The following NKD2 variants were observed in gnomAD, a reference collection of about 807,000 sequenced individuals.
The protein encoded by NKD2 is NKD inhibitor of Wnt signaling pathway 2.
In NKD2, 43 loss-of-function variants were observed where a neutral mutation model predicts 34.8. That is an observed-to-expected ratio of 1.24 (90% CI 0.97 to 1.60). The LOEUF (loss-of-function observed/expected upper bound fraction) is 1.60. Ranked by LOEUF, NKD2 falls within the 40% of genes most tolerant of loss-of-function variation. NKD2 has a pLI of 0.00. For missense variants in NKD2, 675 were observed against 627.1 expected, an observed-to-expected ratio of 1.08 and a Z score of -0.82; for synonymous variants, 278 against 265.1, an observed-to-expected ratio of 1.05 and a Z score of -0.47.
At chr5:1,030,021 G>GC (rs199825697) in intron 3 of NKD2, among the ~76,000 whole-genome samples, 1 of 149,582 alleles carries the variant, frequency 6.7e-6, no homozygotes, top group African/African-American at 2.5e-5. Flanking sequence ...GGTGCGGGGG[G>GC]GGGGGTACTG....
chr5:1,021,357 C>T (rs1283274201), intron 3 of NKD2, among the ~76,000 whole-genome samples: 4 of 126,586 alleles, frequency 3.2e-5, no homozygotes, highest in Non-Finnish European at 6.7e-5. Flanking sequence ...CTGACCCGGC[C>T]CCCCGCCCCT....
intron 3 of NKD2, among the ~76,000 whole-genome samples, chr5:1,027,357 G>A (rs1163242191): frequency 6.6e-6 from 1 of 152,210 alleles, no homozygotes; most frequent in Non-Finnish European, 1.5e-5. Flanking sequence ...TGTAGGAGCT[G>A]TGCCTTCTGG....
At chr5:1,014,063 C>A (rs1376045006) in intron 3 of NKD2, among the ~76,000 whole-genome samples, 1 of 152,222 alleles carries the variant, frequency 6.6e-6, no homozygotes, top group Admixed American at 6.5e-5. Flanking sequence ...GCCCATTTTG[C>A]TGCTGAATGA....
At chr5:1,017,930 G>A (rs1386535298) in intron 3 of NKD2, among the ~76,000 whole-genome samples, 7 of 152,082 alleles carry the variant, frequency 4.6e-5, no homozygotes, top group African/African-American at 7.2e-5. Flanking sequence ...TGTGGTGCTG[G>A]GGTGTGGGAC....
At chr5:1,014,863 G>C (rs572748450) in intron 3 of NKD2, among the ~76,000 whole-genome samples, 1 of 152,216 alleles carries the variant, frequency 6.6e-6, no homozygotes, top group Admixed American at 6.5e-5. Context: ...GCCGTGTTAC[G>C]TGTGGCCCCC....
chr5:1,037,920 G>T lies in NKD2; in HGVS notation c.903G>T (p.Val301=). ...CCGTACACCACCGCAGGTCACAGGT[G>T]CTGGTGGAACACGTCGTGCCAGCCT... is the stretch of plus-strand genomic sequence containing the variant. ...THAVHHRRSQ[V]LVEHVVPASE... is the part of the protein sequence containing the mutation. The change falls in exon 10 of 10, where the codon GTG becomes GTT. Residue 301 remains valine (V), a synonymous_variant. Transcript: ENST00000296849. 2.5e-6 allele frequency: 4 copies of T among 1,607,472 alleles called. No homozygotes were observed. The South Asian group carries it at 3.3e-5, about 13-fold the overall frequency.
intron 5 of NKD2, among the ~76,000 whole-genome samples, chr5:1,033,831 G>A (rs998908157): frequency 3.3e-5 from 5 of 152,214 alleles, no homozygotes; most frequent in South Asian, 2.1e-4. Context: ...CTCTCTGCCC[G>A]CTGGAGGCAG....
chr5:1,033,629 C>T (rs1355284582), intron 5 of NKD2, 130 bp downstream of exon 5: 8 of 1,167,656 alleles, frequency 6.9e-6, no homozygotes, highest in South Asian at 4.9e-5. Flanking sequence ...CCACAGTTCA[C>T]CCCGTTTAAG....
chr5:1,026,477 C>T (rs1313866898), intron 3 of NKD2, among the ~76,000 whole-genome samples: 3 of 94,370 alleles, frequency 3.2e-5, no homozygotes, highest in African/African-American at 1.1e-4. Flanking sequence ...CTGCTCTTCC[C>T]ATCTGCTGTG....
chr5:1,021,726 G>A (rs1376625540), intron 3 of NKD2, among the ~76,000 whole-genome samples: 1 of 152,002 alleles, frequency 6.6e-6, no homozygotes, highest in Non-Finnish European at 1.5e-5. Flanking sequence ...CGGCAGAAGT[G>A]GGCCCCCGGC....
At position 1,038,845 on chromosome 5, in the gene NKD2, G is replaced by A. The variant is rs894602492; in HGVS notation, c.*472G>A. ...TGCATCATGAAGTGAGAGGGGACAG[G>A]GCCGGTGGGGGGAAGCAGCTTGTGC... is the stretch of plus-strand genomic sequence containing the variant. On this transcript the variant is annotated 3_prime_UTR_variant, in exon 10 of 10. Transcript: ENST00000296849. This position sits in a 1 kb window ranked among gnomAD's most constrained non-coding sequence, Gnocchi z 4.5. The A allele has an allele frequency of 2.3e-4, 70 of 303,594 alleles. No individual in the cohort carries two copies. The highest frequency in any genetic ancestry group is 1.1e-3 in the Middle Eastern group (1 of 880). 18.8% of individuals were successfully genotyped at this position (303,594 alleles called of 1,614,324 possible).
intron 3 of NKD2, among the ~76,000 whole-genome samples, chr5:1,019,134 C>T (rs1008268954): frequency 3.3e-5 from 5 of 152,166 alleles, no homozygotes; most frequent in African/African-American, 9.7e-5. Flanking sequence ...TGGCTGCCTG[C>T]ACCTCCCCTG....
chr5:1,015,483 C>A (rs1186909833), intron 3 of NKD2, among the ~76,000 whole-genome samples: 3 of 152,222 alleles, frequency 2.0e-5, no homozygotes, highest in Admixed American at 6.5e-5. Flanking sequence ...TGCCAGATCA[C>A]TGGGTCCCTG....
intron 3 of NKD2, among the ~76,000 whole-genome samples, chr5:1,014,353 G>T (rs1052230183): frequency 2.0e-5 from 3 of 152,188 alleles, no homozygotes; most frequent in African/African-American, 7.2e-5. Context: ...GGGTGTTGGG[G>T]GTCCATCAGA....
intron 6 of NKD2, 135 bp downstream of exon 6, chr5:1,034,465 G>A (rs555514711): frequency 6.2e-5 from 48 of 778,186 alleles, no homozygotes; most frequent in African/African-American, 5.9e-4. Flanking sequence ...CTGGGCTTGC[G>A]TCTCCCCAGG....
At chr5:1,020,690 T>TC (rs1447591404) in intron 3 of NKD2, among the ~76,000 whole-genome samples, 1 of 150,794 alleles carries the variant, frequency 6.6e-6, no homozygotes, top group South Asian at 2.1e-4. Context: ...TTTTTTTTTT[T>TC]CTGCATGTGT....
At chr5:1,035,829 G>C in intron 8 of NKD2, 1 of 370,792 alleles carries the variant, frequency 2.7e-6, no homozygotes, top group South Asian at 5.1e-5. Flanking sequence ...GGGTGGCTGG[G>C]GCAGTGGTTG....
At chr5:1,031,214 A>T (rs967472227) in intron 3 of NKD2, among the ~76,000 whole-genome samples, 1 of 152,104 alleles carries the variant, frequency 6.6e-6, no homozygotes, top group East Asian at 1.9e-4. Flanking sequence ...TGAGGGGCAC[A>T]TGACCCCTGG....
Position 1,015,745 on chromosome 5 carries a change from C to G in NKD2, c.141+6185C>G, listed in dbSNP as rs368291326. 2.0e-4 allele frequency among the ~76,000 whole-genome samples: 30 copies of G among 152,328 alleles called. No individual in the cohort carries two copies. In the East Asian group the frequency reaches 5.2e-3, roughly 26 times the overall value. ...GCTCCCAGCAGGACTGCAGATCGGC[C>G]TGTCCATGTGTGGAACCCGAGGGGG... On this transcript the variant is annotated intron_variant, in intron 3 of 9. Coordinates refer to ENST00000296849, the MANE Select transcript of NKD2 (RefSeq NM_033120.4).
Sources: allele counts gnomAD v4.1 joint callset (sites outside exome capture counted in the v4.1 genomes callset), GRCh38; gene constraint gnomAD v4.1.1; non-coding constraint Gnocchi (gnomAD v3.1); transcripts MANE v1.5; gene names NCBI Gene and HGNC (gene_info 2026-07-23, HGNC 2026-07-21).